Variants in DEF6 observed in about 807,000 individuals in gnomAD.
The protein encoded by DEF6 is differentially expressed in FDCP 6 homolog.
In DEF6, 32 loss-of-function variants were observed where a neutral mutation model predicts 80.5. That is an observed-to-expected ratio of 0.40 (90% CI 0.30 to 0.53). DEF6 has a LOEUF of 0.53. DEF6 is among the 20% of genes least tolerant of loss of function. The pLI is 0.57. For missense variants in DEF6, 575 were observed against 818.7 expected (o/e 0.70, Z 3.63); for synonymous variants, 300 against 337.9 (o/e 0.89, Z 1.23).
intron 1 of DEF6, among the ~76,000 whole-genome samples, chr6:35,299,531 G>T (rs980952933): frequency 1.3e-5 from 2 of 152,056 alleles, no homozygotes; most frequent in African/African-American, 4.8e-5. Context: ...AAGCCTCCTA[G>T]CTTGAGCCTC....
intron 1 of DEF6, among the ~76,000 whole-genome samples, chr6:35,300,023 T>G (rs1053741071): frequency 1.3e-5 from 2 of 151,958 alleles, no homozygotes; most frequent in East Asian, 3.9e-4. Context: ...TCAATCTGGT[T>G]TTTTGTTGTT....
chr6:35,305,308 G>A (rs984659117), intron 1 of DEF6, among the ~76,000 whole-genome samples: 1 of 150,828 alleles, frequency 6.6e-6, no homozygotes, highest in Non-Finnish European at 1.5e-5. Context: ...GCCACACCCG[G>A]CTAATTTTGG....
chr6:35,316,754 A>G (rs767814748), intron 5 of DEF6, among the ~76,000 whole-genome samples: 11 of 152,212 alleles, frequency 7.2e-5, no homozygotes, highest in Non-Finnish European at 1.5e-4. Flanking sequence ...GATGAATCCC[A>G]TCTGATCATG....
intron 1 of DEF6, among the ~76,000 whole-genome samples, chr6:35,303,402 C>T (rs1382307169): frequency 6.6e-6 from 1 of 152,118 alleles, no homozygotes; most frequent in Non-Finnish European, 1.5e-5. Context: ...TTAATATGCT[C>T]ACTGGGATTT....
At chr6:35,314,938 A>AT (rs374696573) in intron 5 of DEF6, among the ~76,000 whole-genome samples, 27 of 152,020 alleles carry the variant, frequency 1.8e-4, no homozygotes, top group African/African-American at 6.5e-4. Context: ...TTTTTATTTG[A>AT]TTTTTTTATA....
rs1213222681 is a variant in DEF6, at chr6:35,319,843, G to A, written c.1407G>A (p.Lys469=). Residue 469 remains lysine (K), a synonymous_variant, in exon 9 of 11, where the codon AAG becomes AAA. Coordinates refer to ENST00000316637, the MANE Select transcript of DEF6 (RefSeq NM_022047.4). This position sits in a 1 kb window ranked among gnomAD's most constrained non-coding sequence, Gnocchi z 4.5. ...GACTGCTGGAAGAGGAGGAAGAGAAGCTGAAGCAGTTGATGCAGCTGAAGG... is the reference window on the plus strand; with the variant it reads ...GACTGCTGGAAGAGGAGGAAGAGAAACTGAAGCAGTTGATGCAGCTGAAGG... ...QTRLLEEEEE[K]LKQLMQLKEE... is the part of the protein sequence containing the mutation. 1.9e-6 allele frequency: 3 copies of A among 1,592,208 alleles called. No homozygotes were observed. Among genetic ancestry groups the A allele is most frequent in the Non-Finnish European group, 1.7e-6 (2 of 1,169,228 alleles).
chr6:35,309,697 C>T lies in DEF6; in HGVS notation c.124C>T (p.Leu42=). Residue 42 remains leucine (L), a synonymous_variant, in exon 2 of 11, where the codon CTG becomes TTG. Coordinates refer to ENST00000316637, the MANE Select transcript of DEF6 (RefSeq NM_022047.4). ...KVLSHNLYTV[L]HIPHDPVALE... is the part of the protein sequence containing the mutation. ...GCTGTCCCACAACCTGTACACGGTC[C>T]TGCACATCCCCCATGACCCCGTGGC... 1.9e-6 allele frequency: 3 copies of T among 1,614,064 alleles called. No homozygotes were observed. Among genetic ancestry groups the T allele is most frequent in the East Asian group, 2.2e-5 (1 of 44,872 alleles).
intron 1 of DEF6, 22 bp from the exon 2 acceptor site, chr6:35,309,648 C>G: frequency 6.2e-7 from 1 of 1,610,062 alleles, no homozygotes; most frequent in Non-Finnish European, 8.5e-7. Context: ...GAAAGACACA[C>G]TGCCACTCTA....
intron 1 of DEF6, among the ~76,000 whole-genome samples, chr6:35,304,808 G>T (rs1791368992): frequency 6.6e-6 from 1 of 151,826 alleles, no homozygotes; most frequent in Non-Finnish European, 1.5e-5. Context: ...AACAGCAAAA[G>T]AATATTATTA....
At chr6:35,305,869 G>A (rs1377862974) in intron 1 of DEF6, among the ~76,000 whole-genome samples, 2 of 151,930 alleles carry the variant, frequency 1.3e-5, no homozygotes, top group African/African-American at 4.8e-5. Context: ...CACTGCGCCT[G>A]GCCAAATTTG....
intron 1 of DEF6, among the ~76,000 whole-genome samples, chr6:35,305,009 T>C (rs1231640496): frequency 6.8e-6 from 1 of 146,890 alleles, no homozygotes; most frequent in South Asian, 2.2e-4. Flanking sequence ...CCCAACACTT[T>C]AGGAGGCCGA....
chr6:35,310,717 ACCACCTTT>A, intron 3 of DEF6, 73 bp downstream of exon 3: 1 of 1,528,166 alleles, frequency 6.5e-7, no homozygotes, highest in Non-Finnish European at 9.0e-7. Context: ...ATGAGACCAA[ACCACCTTT>A]GGTGCCTTCC....
chr6:35,305,285 A>G (rs1791374165), intron 1 of DEF6, among the ~76,000 whole-genome samples: 1 of 150,582 alleles, frequency 6.6e-6, no homozygotes. Flanking sequence ...AGCTGGGACT[A>G]CAGGAGTGTG....
rs1157123884 is a variant in DEF6, at chr6:35,297,854, G to T, written c.-3G>T. ...CGCCCCCAGCCGGGCGGGCGCCTCA[G>T]CCATGGCCCTGCGCAAGGAACTGCT... On this transcript the variant is annotated 5_prime_UTR_variant, in exon 1 of 11. Transcript: ENST00000316637. 1.3e-6 allele frequency: 2 copies of T among 1,594,412 alleles called. No individual in the cohort carries two copies. Among genetic ancestry groups the T allele is most frequent in the Non-Finnish European group, 1.7e-6 (2 of 1,171,714 alleles).
chr6:35,308,446 G>A (rs1791420550), intron 1 of DEF6, among the ~76,000 whole-genome samples: 1 of 152,062 alleles, frequency 6.6e-6, no homozygotes, highest in Admixed American at 6.6e-5. Flanking sequence ...GCCGAGGTGG[G>A]CGGATCGCCT....
chr6:35,302,628 G>T (rs1791329308), intron 1 of DEF6, among the ~76,000 whole-genome samples: 1 of 152,138 alleles, frequency 6.6e-6, no homozygotes, highest in Non-Finnish European at 1.5e-5. Context: ...GCATCTCAAA[G>T]GTCAGTGACT....
Position 35,309,519 on chromosome 6 carries a change from T to C in DEF6, c.97-151T>C, listed in dbSNP as rs146769781. The C allele has an allele frequency of 2.6e-4, 213 of 808,558 alleles. No individual in the cohort carries two copies. The African/African-American group carries it at 3.4e-3, about 13-fold the overall frequency. The allele number at this position is 808,558 out of a possible 1,614,324, so 50.1% of individuals were successfully genotyped here. On this transcript the variant is annotated intron_variant, in intron 1 of 10. Transcript: ENST00000316637. ...CTTTAGCTCAGTGCTTGGCACATAG[T>C]ATATAAGTTTTAGTTATTACTGAAC...
chr6:35,318,594 G>C lies in DEF6; in HGVS notation c.1215+123G>C, dbSNP rs1791551826. 1 of 956,650 alleles carries C rather than the reference G, an allele frequency of 1.0e-6. No homozygotes were observed. Among genetic ancestry groups the C allele is most frequent in the Non-Finnish European group, 1.4e-6 (1 of 716,420 alleles). 59.3% of individuals were successfully genotyped at this position (956,650 alleles called of 1,614,324 possible). On this transcript the variant is annotated intron_variant, in intron 7 of 10. Transcript: ENST00000316637. This position sits in a 1 kb window ranked among gnomAD's most constrained non-coding sequence, Gnocchi z 5.1. Reference sequence around the variant, plus strand: ...CCTGGGTTGAGGGGCGTGCACTGGGGTGGAGCTTGAAATGAGGGATTGTTG... The same window carrying C: ...CCTGGGTTGAGGGGCGTGCACTGGGCTGGAGCTTGAAATGAGGGATTGTTG...
At position 35,312,543 on chromosome 6, in the gene DEF6, G is replaced by A; in HGVS notation, c.660+5G>A. 1 of 1,614,070 alleles carries A rather than the reference G, an allele frequency of 6.2e-7. No individual in the cohort carries two copies. Among genetic ancestry groups the A allele is most frequent in the Admixed American group, 1.7e-5 (1 of 60,034 alleles). On this transcript the variant is annotated splice_donor_5th_base_variant and intron_variant, in intron 4 of 10. Transcript: ENST00000316637. This position sits in a 1 kb window ranked among gnomAD's most constrained non-coding sequence, Gnocchi z 6.6. Reference sequence around the variant, plus strand: ...ATCCAAGATGTCCTGAAGCAGGTCAGGCAAGCTGGGAACTAGGGGAAGCAC... The same window carrying A: ...ATCCAAGATGTCCTGAAGCAGGTCAAGCAAGCTGGGAACTAGGGGAAGCAC...
Sources: allele counts gnomAD v4.1 joint callset (sites outside exome capture counted in the v4.1 genomes callset), GRCh38; gene constraint gnomAD v4.1.1; non-coding constraint Gnocchi (gnomAD v3.1); transcripts MANE v1.5; gene names NCBI Gene and HGNC (gene_info 2026-07-23, HGNC 2026-07-21).